TAF1B: variants seen among roughly 807,000 people sequenced by gnomAD.
TAF1B encodes the protein TATA-box binding protein associated factor, RNA polymerase I subunit B, also known as TATA box-binding protein-associated factor RNA polymerase I subunit B.
Under a neutral mutation model 83.9 loss-of-function variants are expected in TAF1B, and 61 were observed. The ratio of observed to expected loss-of-function variants is 0.73; its 90% CI spans 0.59 to 0.90. TAF1B has a LOEUF of 0.90. Ranked by LOEUF, TAF1B falls within the 40% of genes least tolerant of loss-of-function variation. The probability of loss-of-function intolerance (pLI) is 0.00; values close to 1 mark genes in which losing one functional copy is unlikely to be tolerated. For synonymous variants in TAF1B, 221 were observed against 224.6 expected (o/e 0.98, Z 0.14); for missense variants, 625 against 677.0 (o/e 0.92, Z 0.85).
At position 9,853,254 on chromosome 2, in the gene TAF1B, G is replaced by A. The variant is rs114319338; in HGVS notation, c.304-1072G>A. 4.8e-3 allele frequency among the ~76,000 whole-genome samples: 731 copies of A among 152,342 alleles called. 5 individuals are homozygous for A. Among genetic ancestry groups the A allele is most frequent in the African/African-American group, 0.017 (692 of 41,582 alleles). ...TAACTGTTTAGACCTGATCAGTTGAGTGGCATTATGCCATGTACACAGGCT... is the reference window on the plus strand; with the variant it reads ...TAACTGTTTAGACCTGATCAGTTGAATGGCATTATGCCATGTACACAGGCT... On this transcript the variant is annotated intron_variant, in intron 4 of 14. Transcript: ENST00000263663.
At chr2:9,858,117 C>A (rs933015064) in intron 5 of TAF1B, among the ~76,000 whole-genome samples, 1 of 152,162 alleles carries the variant, frequency 6.6e-6, no homozygotes, top group African/African-American at 2.4e-5. Context: ...GCCTATGAAC[C>A]TGTAAAATCA....
At chr2:9,875,763 A>C in intron 6 of TAF1B, 102 bp from the exon 7 acceptor site, 2 of 1,304,994 alleles carry the variant, frequency 1.5e-6, no homozygotes, top group Non-Finnish European at 2.1e-6. Flanking sequence ...ACACAGCCAA[A>C]CCATGTCAAT....
chr2:9,919,098 A>G lies in TAF1B; in HGVS notation c.1329A>G (p.Ala443=). 1 of 1,614,132 alleles carries G rather than the reference A, an allele frequency of 6.2e-7. No homozygotes were observed. Among genetic ancestry groups the G allele is most frequent in the Non-Finnish European group, 8.5e-7 (1 of 1,180,022 alleles). ...LYYSFVDKPV[A]YKKREMVVNL... is the part of the protein sequence containing the mutation. ...ACTCATTTGTCGACAAACCAGTAGC[A>G]TATAAAAAAAGAGGTAAGTCAAATT... Residue 443 remains alanine, a synonymous_variant, in exon 13 of 15, where the codon GCA becomes GCG. Coordinates refer to ENST00000263663, the MANE Select transcript of TAF1B (RefSeq NM_005680.3).
At position 9,914,845 on chromosome 2, in the gene TAF1B, C is replaced by T. The variant is rs1665635910; in HGVS notation, c.1271+1596C>T. Among the ~76,000 whole-genome samples, 1 of 152,158 alleles carries T rather than the reference C, an allele frequency of 6.6e-6. No individual in the cohort carries two copies. The highest frequency in any genetic ancestry group is 1.5e-5 in the Non-Finnish European group (1 of 68,020). On this transcript the variant is annotated intron_variant, in intron 12 of 14. Transcript: ENST00000263663. The surrounding 1 kb of genome is among the most constrained non-coding windows in gnomAD (Gnocchi z 4.3). The stretch of plus-strand genomic sequence containing the variant: ...TGCTGAGTAATATGCGAAGCACTAC[C>T]AACTGCTGCTCAGGCCCAGAGCTCA...
intron 10 of TAF1B, 135 bp from the exon 11 acceptor site, chr2:9,911,376 C>CAG (rs1665528002): frequency 1.6e-6 from 1 of 634,378 alleles, no homozygotes; most frequent in Admixed American, 3.9e-5. Flanking sequence ...TCCTCTGTTT[C>CAG]AGTGATTGCT....
intron 6 of TAF1B, 176 bp downstream of exon 6, chr2:9,868,605 C>T (rs982216972): frequency 9.1e-6 from 9 of 992,812 alleles, no homozygotes; most frequent in South Asian, 5.5e-5. Flanking sequence ...GAAATCTTAG[C>T]GCAATTTTTT....
intron 9 of TAF1B, among the ~76,000 whole-genome samples, chr2:9,907,294 C>G (rs1665374891): frequency 6.6e-6 from 1 of 151,772 alleles, no homozygotes; most frequent in Admixed American, 6.6e-5. Context: ...TTGCAAACCA[C>G]CCATACATAA....
Position 9,921,522 on chromosome 2 carries a change from A to G in TAF1B, c.1565+1702A>G, listed in dbSNP as rs148479002. On this transcript the variant is annotated intron_variant, in intron 14 of 14. Coordinates refer to ENST00000263663, the MANE Select transcript of TAF1B (RefSeq NM_005680.3). The stretch of plus-strand genomic sequence containing the variant: ...TCCAAAAGTATTTTTTGAGTACTTG[A>G]TAAAAATAAGTCATTATCCTAAGTC... Among the ~76,000 whole-genome samples, 1,480 of 152,368 alleles carry G rather than the reference A, an allele frequency of 9.7e-3. 35 individuals carry two copies. Among genetic ancestry groups the G allele is most frequent in the African/African-American group, 0.034 (1,403 of 41,586 alleles).
rs145440763 is a variant in TAF1B at position 9,886,934 on chromosome 2, G to A, written c.807+4129G>A. Reference sequence around the variant, plus strand: ...ACAAAAATTAGCTGAGCGTGGTGGCGCACAGCTTTAGTCCCAGCTACTCGG... The same window carrying A: ...ACAAAAATTAGCTGAGCGTGGTGGCACACAGCTTTAGTCCCAGCTACTCGG... On this transcript the variant is annotated intron_variant, in intron 8 of 14. Transcript: ENST00000263663. 1.7e-3 allele frequency among the ~76,000 whole-genome samples: 254 copies of A among 152,172 alleles called. 4 individuals are homozygous for A. The highest frequency in any genetic ancestry group is 5.8e-3 in the African/African-American group (240 of 41,514).
rs1666209973 is a variant in TAF1B, at chr2:9,931,489, A to G, written c.1566-2294A>G. On this transcript the variant is annotated intron_variant, in intron 14 of 14. Transcript: ENST00000263663. ...ATTCTTTTCTTTAAGAATGTTGAAT[A>G]TTGTCCCCCGCTTTCTTCTGGCTTG... 2.0e-5 allele frequency among the ~76,000 whole-genome samples: 3 copies of G among 152,230 alleles called. No individual in the cohort carries two copies. In the South Asian group the frequency reaches 6.2e-4, roughly 32 times the overall value.
chr2:9,916,181 A>G (rs1006708092), intron 12 of TAF1B, among the ~76,000 whole-genome samples: 2 of 152,246 alleles, frequency 1.3e-5, no homozygotes, highest in Non-Finnish European at 2.9e-5. Flanking sequence ...GCAGAACTAC[A>G]CTGAAAAGAG....
At position 9,874,089 on chromosome 2, in the gene TAF1B, C is replaced by A. The variant is rs73163622; in HGVS notation, c.554-1776C>A. The stretch of plus-strand genomic sequence containing the variant: ...TCCCACCACTTTCCCTCAGAAATTT[C>A]TGTTCTTATAAAGAGAAAGAGGTTG... On this transcript the variant is annotated intron_variant, in intron 6 of 14. Transcript: ENST00000263663. Among the ~76,000 whole-genome samples, 571 of 152,268 alleles carry A rather than the reference C, an allele frequency of 3.7e-3. 5 individuals carry two copies. The highest frequency in any genetic ancestry group is 0.013 in the African/African-American group (534 of 41,562).
intron 8 of TAF1B, among the ~76,000 whole-genome samples, chr2:9,883,876 T>C (rs900904683): frequency 1.3e-5 from 2 of 152,226 alleles, no homozygotes; most frequent in African/African-American, 4.8e-5. Flanking sequence ...AGGAAGGATG[T>C]CATATTGTTG....
At position 9,910,808 on chromosome 2, in the gene TAF1B, A is replaced by G; in HGVS notation, c.1028A>G (p.Asp343Gly). The G allele has an allele frequency of 1.2e-6, 2 of 1,613,856 alleles. No individual in the cohort carries two copies. The highest frequency in any genetic ancestry group is 1.7e-6 in the Non-Finnish European group (2 of 1,179,816). ...GGAGAAGTGGATTTTCTGACATTTG[A>G]TCCTATAGCTAAAATGGCAAAAACT... Reference protein sequence around the residue: ...GMGEVDFLTFDPIAKMAKTVK... With the variant: ...GMGEVDFLTFGPIAKMAKTVK... Residue 343 changes from aspartate to glycine, a missense_variant, in exon 10 of 15, where the codon GAT becomes GGT. Physicochemically the swap from Asp to Gly is moderately conservative, Grantham distance 94. Coordinates refer to ENST00000263663, the MANE Select transcript of TAF1B (RefSeq NM_005680.3).
At chr2:9,889,000 C>G (rs996040169) in intron 8 of TAF1B, among the ~76,000 whole-genome samples, 4 of 151,436 alleles carry the variant, frequency 2.6e-5, no homozygotes, top group African/African-American at 9.7e-5. Context: ...TGGGGTTTCA[C>G]CATGTGGGCC....
At chr2:9,911,428 A>T (rs1228674915) in intron 10 of TAF1B, 83 bp from the exon 11 acceptor site, 1 of 1,105,984 alleles carries the variant, frequency 9.0e-7, no homozygotes, top group African/African-American at 1.6e-5. Context: ...ACTGTTCTAC[A>T]CTTTTCTCTC....
chr2:9,851,701 A>G, intron 4 of TAF1B, 63 bp downstream of exon 4: 1 of 1,304,108 alleles, frequency 7.7e-7, no homozygotes, highest in Non-Finnish European at 1.1e-6. Context: ...AGTAAGACTT[A>G]TAGTGGAACT....
chr2:9,872,730 A>G (rs1047344286), intron 6 of TAF1B, among the ~76,000 whole-genome samples: 6 of 152,244 alleles, frequency 3.9e-5, no homozygotes, highest in Non-Finnish European at 7.3e-5. Context: ...TAAGGAATAT[A>G]CAAAAAATTG....
intron 7 of TAF1B, among the ~76,000 whole-genome samples, chr2:9,881,207 G>A (rs530364812): frequency 1.3e-5 from 2 of 152,150 alleles, no homozygotes; most frequent in Non-Finnish European, 2.9e-5. Context: ...GGTGGTGGGT[G>A]CCTGTAAGTA....
Sources: gnomAD v4.1 joint callset for allele counts (sites outside exome capture counted in the v4.1 genomes callset) on GRCh38, gnomAD v4.1.1 for gene constraint, Gnocchi (gnomAD v3.1) non-coding constraint, MANE v1.5 for transcripts, NCBI Gene and HGNC (gene_info 2026-07-23, HGNC 2026-07-21) for gene names.